The following NSMAF variants were observed in gnomAD, a reference collection of about 807,000 sequenced individuals.
NSMAF encodes the protein neutral sphingomyelinase activation associated factor.
A neutral mutation model predicts 134.9 loss-of-function variants in NSMAF; 90 were observed. The ratio of observed to expected loss-of-function variants is 0.67; its 90% CI spans 0.56 to 0.79. The LOEUF is 0.79. NSMAF is among the 30% of genes least tolerant of loss of function. The probability of loss-of-function intolerance (pLI) is 0.00; values close to 1 mark genes in which losing one functional copy is unlikely to be tolerated. For synonymous variants in NSMAF, 358 were observed against 389.6 expected (o/e 0.92, Z 0.96); for missense variants, 1,010 against 1,119.0 (o/e 0.90, Z 1.39).
intron 9 of NSMAF, among the ~76,000 whole-genome samples, chr8:58,617,545 CA>C (rs1267890197): frequency 6.6e-6 from 1 of 152,106 alleles, no homozygotes; most frequent in Non-Finnish European, 1.5e-5. Flanking sequence ...ATGCAGCCAA[CA>C]GACACATGAA....
intron 16 of NSMAF, among the ~76,000 whole-genome samples, chr8:58,600,500 G>A (rs555003974): frequency 9.9e-5 from 15 of 151,876 alleles, no homozygotes; most frequent in African/African-American, 2.7e-4. Flanking sequence ...GCATGCGCCT[G>A]TAGTCCCAGC....
chr8:58,637,571 A>C (rs1257271786), intron 2 of NSMAF, among the ~76,000 whole-genome samples: 1 of 152,254 alleles, frequency 6.6e-6, no homozygotes. Flanking sequence ...AGCAAATAAC[A>C]TGATTTTATA....
chr8:58,621,787 A>C (rs1404379344), intron 9 of NSMAF, among the ~76,000 whole-genome samples: 1 of 152,072 alleles, frequency 6.6e-6, no homozygotes, highest in African/African-American at 2.4e-5. Context: ...TCTTTTTTTG[A>C]AAAGTGTCTG....
chr8:58,632,098 A>G (rs1807067778), intron 5 of NSMAF, among the ~76,000 whole-genome samples: 1 of 152,108 alleles, frequency 6.6e-6, no homozygotes, highest in Admixed American at 6.5e-5. Flanking sequence ...CAACAATGGA[A>G]GTTACCTGAG....
At chr8:58,585,527 T>G (rs1805862067) in intron 30 of NSMAF, 125 bp downstream of exon 30, 1 of 665,968 alleles carries the variant, frequency 1.5e-6, no homozygotes, top group Admixed American at 2.7e-5. Context: ...TCCAGGGACA[T>G]GTTTACGACA....
rs551926204 is a variant in NSMAF, at chr8:58,592,078, C to T, written c.1952-1144G>A. On this transcript the variant is annotated intron_variant, in intron 23 of 30. Transcript: ENST00000038176. ...ATGAACACAGTATCACTTGAACTTT[C>T]CCCTGAGCAGTATAATTAGATCTGA... Among the ~76,000 whole-genome samples, 3 of 152,254 alleles carry T rather than the reference C, an allele frequency of 2.0e-5. No homozygotes were observed. The South Asian group carries it at 6.2e-4, about 32-fold the overall frequency.
chr8:58,639,066 C>A (rs1807268702), intron 2 of NSMAF, among the ~76,000 whole-genome samples: 1 of 152,040 alleles, frequency 6.6e-6, no homozygotes, highest in South Asian at 2.1e-4. Flanking sequence ...GGGTGGTTCA[C>A]AAGATCAGGA....
intron 21 of NSMAF, among the ~76,000 whole-genome samples, chr8:58,596,178 G>A (rs887293592): frequency 2.0e-5 from 3 of 152,204 alleles, no homozygotes; most frequent in African/African-American, 7.2e-5. Flanking sequence ...GCAGAGTGCA[G>A]TTTGAAACAG....
intron 1 of NSMAF, among the ~76,000 whole-genome samples, chr8:58,651,107 A>G (rs1257065800): frequency 1.3e-5 from 2 of 152,104 alleles, no homozygotes; most frequent in Non-Finnish European, 2.9e-5. Flanking sequence ...TTCCTTTTCA[A>G]TAGGTCTGCA....
chr8:58,635,732 T>C (rs1211766179), intron 2 of NSMAF, among the ~76,000 whole-genome samples, 186 bp from the exon 3 acceptor site: 2 of 152,258 alleles, frequency 1.3e-5, no homozygotes. Context: ...GTGGTTCATA[T>C]TGGCATTTAC....
rs779850997 is a variant in NSMAF at position 58,603,233 on chromosome 8, T to C, written c.1022A>G (p.His341Arg). The change falls in exon 13 of 31, where the codon CAT becomes CGT. Residue 341 changes from histidine (H) to arginine (R), a missense_variant. Transcript: ENST00000038176. ...ACCTAGTTCTGAGCTGGAATAATCA[T>C]GTATTATCCATGGAAACACAGGGTA... ...SQYPVFPWIIHDYSSSELDLS... is the reference protein window; with the variant it reads ...SQYPVFPWIIRDYSSSELDLS... 9 of 1,614,086 alleles carry C rather than the reference T, an allele frequency of 5.6e-6. No homozygotes were observed. In the African/African-American group the frequency reaches 6.7e-5, roughly 12 times the overall value.
Position 58,640,236 on chromosome 8 carries a change from A to T in NSMAF, c.149+2748T>A, listed in dbSNP as rs73240230. 6.3e-3 allele frequency: 1,717 copies of T among 273,874 alleles called. 33 individuals are homozygous for T. The highest frequency in any genetic ancestry group is 0.036 in the African/African-American group (1,615 of 44,530). 17.0% of individuals were successfully genotyped at this position (273,874 alleles called of 1,614,324 possible). On this transcript the variant is annotated intron_variant, in intron 2 of 30. Transcript: ENST00000038176. The stretch of plus-strand genomic sequence containing the variant: ...AGGTAACTGTGAGGTGATGGATATG[A>T]TAATTACTTTGATTGTGGTCAGCAT...
intron 9 of NSMAF, among the ~76,000 whole-genome samples, chr8:58,613,827 G>C (rs977648404): frequency 1.3e-5 from 2 of 152,034 alleles, no homozygotes; most frequent in African/African-American, 4.8e-5. Flanking sequence ...GTATCATATC[G>C]GTGTGCCTCC....
Position 58,602,075 on chromosome 8 carries a change from G to C in NSMAF, c.1108C>G (p.Arg370Gly). 6.2e-7 allele frequency: 1 copy of C among 1,613,010 alleles called. No individual in the cohort carries two copies. The highest frequency in any genetic ancestry group is 8.5e-7 in the Non-Finnish European group (1 of 1,179,200). Residue 370 changes from arginine to glycine, a missense_variant, in exon 14 of 31, where the codon CGG becomes GGG. Transcript: ENST00000038176. Reference sequence around the variant, plus strand: ...CCACATACCAGTAGTCTCTCCAGCCGTTCCTTATTTAGGGCCCCTACTGGC... The same window carrying C: ...CCACATACCAGTAGTCTCTCCAGCCCTTCCTTATTTAGGGCCCCTACTGGC... ...SKPVGALNKE[R>G]LERLLTRYQE...
chr8:58,635,679 C>G, intron 2 of NSMAF, 133 bp from the exon 3 acceptor site: 1 of 569,720 alleles, frequency 1.8e-6, no homozygotes, highest in Admixed American at 3.4e-5. Flanking sequence ...ATAAAGAGAA[C>G]GTCTCTATTT....
At chr8:58,637,521 G>C (rs1330651456) in intron 2 of NSMAF, 1 of 339,440 alleles carries the variant, frequency 2.9e-6, no homozygotes, top group East Asian at 7.6e-5. Flanking sequence ...GTAAAAGAAA[G>C]AACAGGCATC....
chr8:58,643,595 C>T (rs1371033692), intron 1 of NSMAF, among the ~76,000 whole-genome samples: 3 of 151,288 alleles, frequency 2.0e-5, no homozygotes, highest in Non-Finnish European at 4.4e-5. Context: ...TAAAATGGCG[C>T]AGTCTCAGCT....
intron 6 of NSMAF, among the ~76,000 whole-genome samples, chr8:58,629,990 G>C (rs1384532461): frequency 6.6e-6 from 1 of 152,106 alleles, no homozygotes; most frequent in Admixed American, 6.5e-5. Flanking sequence ...CAGTCCCTTG[G>C]GCAGCTCCCC....
chr8:58,642,387 T>C (rs908701809), intron 2 of NSMAF, among the ~76,000 whole-genome samples: 1 of 152,208 alleles, frequency 6.6e-6, no homozygotes, highest in African/African-American at 2.4e-5. Context: ...TACATAGCTT[T>C]CAAAAGGTAA....
Sources: gnomAD v4.1 joint callset for allele counts (sites outside exome capture counted in the v4.1 genomes callset) on GRCh38, gnomAD v4.1.1 for gene constraint, MANE v1.5 for transcripts, NCBI Gene and HGNC (gene_info 2026-07-23, HGNC 2026-07-21) for gene names.